Variants in SPAG1 observed in about 807,000 individuals in gnomAD.
The protein encoded by SPAG1 is sperm associated antigen 1.
SPAG1 carries 69 observed loss-of-function variants against 100.5 expected under a neutral mutation model. That is an observed-to-expected ratio of 0.69 (90% confidence interval 0.57 to 0.84). SPAG1 has a LOEUF of 0.84. SPAG1 is among the 40% of genes least tolerant of loss of function. The probability of loss-of-function intolerance (pLI) is 0.00; values close to 1 mark genes in which losing one functional copy is unlikely to be tolerated. For synonymous variants in SPAG1, 336 were observed against 411.6 expected, an observed-to-expected ratio of 0.82 and a Z score of 2.22; for missense variants, 955 against 1,133.1, an observed-to-expected ratio of 0.84 and a Z score of 2.26.
intron 16 of SPAG1, among the ~76,000 whole-genome samples, chr8:100,235,400 A>T (rs750085766): frequency 6.6e-5 from 10 of 152,154 alleles, no homozygotes; most frequent in Admixed American, 5.9e-4. Context: ...GAAGGGGCCA[A>T]TTCAAGGGTT....
intron 13 of SPAG1, 91 bp from the exon 14 acceptor site, chr8:100,225,082 A>G (rs1009614336): frequency 5.7e-5 from 55 of 970,562 alleles, no homozygotes; most frequent in African/African-American, 1.8e-4. Context: ...ACACATTTGC[A>G]TAGCATTTGC....
intron 13 of SPAG1, among the ~76,000 whole-genome samples, chr8:100,224,118 T>C (rs1034726126): frequency 6.6e-6 from 1 of 152,198 alleles, no homozygotes; most frequent in Admixed American, 6.5e-5. Flanking sequence ...TGACATTCTG[T>C]ATGTTTAAAA....
chr8:100,206,405 C>T (rs1013570912), intron 10 of SPAG1, among the ~76,000 whole-genome samples: 2 of 152,180 alleles, frequency 1.3e-5, no homozygotes, highest in Non-Finnish European at 2.9e-5. Flanking sequence ...TAGTCTTATT[C>T]GGAAAGACCT....
chr8:100,174,106 C>T (rs2132228321), intron 3 of SPAG1, among the ~76,000 whole-genome samples: 1 of 152,238 alleles, frequency 6.6e-6, no homozygotes, highest in Non-Finnish European at 1.5e-5. Flanking sequence ...GGGGCGCTGG[C>T]TCCCTACACA....
chr8:100,195,539 T>C (rs1200260909), intron 10 of SPAG1, among the ~76,000 whole-genome samples: 1 of 151,874 alleles, frequency 6.6e-6, no homozygotes, highest in African/African-American at 2.4e-5. Context: ...ATAAAAAGGA[T>C]TGAAAAGGGA....
chr8:100,217,899 C>T (rs997692842), intron 12 of SPAG1, among the ~76,000 whole-genome samples: 2 of 152,142 alleles, frequency 1.3e-5, no homozygotes, highest in African/African-American at 4.8e-5. Context: ...TCTTGTACCT[C>T]AGCCTCCCAA....
At position 100,213,400 on chromosome 8, in the gene SPAG1, G is replaced by T; in HGVS notation, c.1407G>T (p.Ser469=). 1 of 1,440,206 alleles carries T rather than the reference G, an allele frequency of 6.9e-7. No individual in the cohort carries two copies. The highest frequency in any genetic ancestry group is 9.1e-7 in the Non-Finnish European group (1 of 1,095,518). 89.2% of individuals were successfully genotyped at this position (1,440,206 alleles called of 1,614,324 possible). The change falls in exon 11 of 19, where the codon TCG becomes TCT. Residue 469 remains serine (S), a synonymous_variant. Transcript: ENST00000388798. The stretch of plus-strand genomic sequence containing the variant: ...TCGCCGAGGCGGCCGGCAAGTACTC[G>T]GCGGCAATCGCGCTCCTGGAGCCAG... The part of the protein sequence containing the change: ...GQFAEAAGKY[S]AAIALLEPAG...
intron 10 of SPAG1, among the ~76,000 whole-genome samples, chr8:100,201,994 G>A (rs906483622): frequency 3.9e-5 from 6 of 152,154 alleles, no homozygotes; most frequent in African/African-American, 1.2e-4. Flanking sequence ...GAAACCTGTT[G>A]GTGAGAAGTT....
chr8:100,209,305 T>C (rs2132337547), intron 10 of SPAG1, among the ~76,000 whole-genome samples: 1 of 147,358 alleles, frequency 6.8e-6, no homozygotes, highest in Admixed American at 6.8e-5. Flanking sequence ...TTTATATACA[T>C]ATATATATAT....
At chr8:100,222,811 A>G (rs1818341247) in intron 13 of SPAG1, among the ~76,000 whole-genome samples, 4 of 152,196 alleles carry the variant, frequency 2.6e-5, no homozygotes, top group Admixed American at 2.6e-4. Context: ...AAGATGTGCA[A>G]TGCAGTGGCA....
At chr8:100,208,142 G>A (rs1053949592) in intron 10 of SPAG1, among the ~76,000 whole-genome samples, 1 of 152,150 alleles carries the variant, frequency 6.6e-6, no homozygotes, top group South Asian at 2.1e-4. Context: ...AGTTCCAGAG[G>A]GAGGAATGCT....
rs949928470 is a variant in SPAG1 at position 100,241,086 on chromosome 8, A to G, written c.*64A>G. On this transcript the variant is annotated 3_prime_UTR_variant, in exon 19 of 19. Coordinates refer to ENST00000388798, the MANE Select transcript of SPAG1 (RefSeq NM_003114.5). This position sits in a 1 kb window ranked among gnomAD's most constrained non-coding sequence, Gnocchi z 5.1. Reference sequence around the variant, plus strand: ...GTTCCAGGAATGTTAATGAGATGGTATTGTAAAAGAGTTGCATGGATAAAA... The same window carrying G: ...GTTCCAGGAATGTTAATGAGATGGTGTTGTAAAAGAGTTGCATGGATAAAA... 46 of 1,550,428 alleles carry G rather than the reference A, an allele frequency of 3.0e-5. No individual in the cohort carries two copies. The highest frequency in any genetic ancestry group is 3.9e-5 in the Non-Finnish European group (44 of 1,141,312).
In SPAG1 at chr8:100,241,035, G is replaced by A; in HGVS notation, c.*13G>A. On this transcript the variant is annotated 3_prime_UTR_variant, in exon 19 of 19. Transcript: ENST00000388798. This position sits in a 1 kb window ranked among gnomAD's most constrained non-coding sequence, Gnocchi z 5.1. Reference sequence around the variant, plus strand: ...GTATGAGCTTTAAATCAAGATAATTGTTAGATTTCTTCCATGCATGTATGT... The same window carrying A: ...GTATGAGCTTTAAATCAAGATAATTATTAGATTTCTTCCATGCATGTATGT... 1 of 1,607,834 alleles carries A rather than the reference G, an allele frequency of 6.2e-7. No individual in the cohort carries two copies. Among genetic ancestry groups the A allele is most frequent in the Admixed American group, 1.7e-5 (1 of 58,372 alleles).
chr8:100,182,236 T>C (rs1586423973), intron 4 of SPAG1, among the ~76,000 whole-genome samples: 2 of 152,362 alleles, frequency 1.3e-5, no homozygotes, highest in East Asian at 3.9e-4. Flanking sequence ...ATTGTTTGCC[T>C]TTCTCTCATT....
At chr8:100,225,053 A>G (rs1035064795) in intron 13 of SPAG1, 120 bp from the exon 14 acceptor site, 4 of 648,276 alleles carry the variant, frequency 6.2e-6, no homozygotes, top group Non-Finnish European at 1.1e-5. Context: ...TCAGGATTGC[A>G]TGTTTTCTAC....
chr8:100,235,368 T>C (rs923174229), intron 16 of SPAG1, among the ~76,000 whole-genome samples: 6 of 152,128 alleles, frequency 3.9e-5, no homozygotes, highest in African/African-American at 1.2e-4. Flanking sequence ...TGTGGGGACG[T>C]AGTTCAGCCC....
Position 100,239,158 on chromosome 8 carries a change from C to G in SPAG1, c.2116-82C>G. 1.2e-6 allele frequency: 1 copy of G among 829,830 alleles called. No individual in the cohort carries two copies. Among genetic ancestry groups the G allele is most frequent in the Non-Finnish European group, 1.9e-6 (1 of 526,398 alleles). 51.4% of individuals were successfully genotyped at this position (829,830 alleles called of 1,614,324 possible). A position where few individuals can be genotyped will look rare whatever the true frequency, so the allele number is the denominator to read the frequency against. The stretch of plus-strand genomic sequence containing the variant: ...CCCTGCACACATACTGCACAGCTCA[C>G]TACATCCACCCCACTCCCACTCAGG... On this transcript the variant is annotated intron_variant, in intron 16 of 18. Transcript: ENST00000388798. The surrounding 1 kb of genome is among the most constrained non-coding windows in gnomAD (Gnocchi z 5.0).
At chr8:100,225,125 TA>T (rs1344476698) in intron 13 of SPAG1, 47 bp from the exon 14 acceptor site, 1 of 1,520,186 alleles carries the variant, frequency 6.6e-7, no homozygotes. Context: ...TTCAGTAATA[TA>T]AAAAGCAAAC....
At chr8:100,175,450 A>G (rs1586407648) in intron 3 of SPAG1, among the ~76,000 whole-genome samples, 3 of 151,756 alleles carry the variant, frequency 2.0e-5, no homozygotes, top group Middle Eastern at 6.8e-3. Flanking sequence ...ATGCCTGACT[A>G]ATTTTTTTTG....
Sources: gnomAD v4.1 joint callset for allele counts (sites outside exome capture counted in the v4.1 genomes callset) on GRCh38, gnomAD v4.1.1 for gene constraint, Gnocchi (gnomAD v3.1) non-coding constraint, MANE v1.5 for transcripts, NCBI Gene and HGNC (gene_info 2026-07-23, HGNC 2026-07-21) for gene names.